Variants in CLSTN2 observed in about 807,000 individuals in gnomAD.
CLSTN2 encodes calsyntenin 2.
In CLSTN2, 48 loss-of-function variants were observed where a neutral mutation model predicts 101.2. That is an observed-to-expected ratio of 0.47 (90% CI 0.38 to 0.60). The LOEUF (loss-of-function observed/expected upper bound fraction) is 0.60. Among genes scored for constraint, CLSTN2 ranks in the 20% least tolerant of loss-of-function variants. The pLI is 0.00. For synonymous variants in CLSTN2, 481 were observed against 463.6 expected (o/e 1.04, Z -0.48); for missense variants, 1,160 against 1,238.2 (o/e 0.94, Z 0.95).
intron 1 of CLSTN2, among the ~76,000 whole-genome samples, chr3:140,134,296 G>A (rs1359678893): frequency 6.6e-6 from 1 of 152,130 alleles, no homozygotes; most frequent in African/African-American, 2.4e-5. Flanking sequence ...TCTGGACATA[G>A]AAGAAATCTT....
intron 2 of CLSTN2, among the ~76,000 whole-genome samples, chr3:140,181,358 GTAT>G (rs2010404848): frequency 6.6e-6 from 1 of 151,798 alleles, no homozygotes; most frequent in Non-Finnish European, 1.5e-5. Flanking sequence ...ATTGAAATTT[GTAT>G]TATTATCAGT....
intron 1 of CLSTN2, among the ~76,000 whole-genome samples, chr3:140,117,205 T>C (rs2009259081): frequency 6.6e-6 from 1 of 152,154 alleles, no homozygotes; most frequent in African/African-American, 2.4e-5. Flanking sequence ...AAGAATGACC[T>C]CTACCCTGCC....
chr3:140,512,544 T>G (rs1471927904), intron 8 of CLSTN2, among the ~76,000 whole-genome samples: 1 of 152,232 alleles, frequency 6.6e-6, no homozygotes, highest in Non-Finnish European at 1.5e-5. Context: ...TGAAGTCAGA[T>G]AGTGTGATGC....
chr3:139,976,694 G>T (rs1935824506), intron 1 of CLSTN2, among the ~76,000 whole-genome samples: 1 of 152,174 alleles, frequency 6.6e-6, no homozygotes, highest in Non-Finnish European at 1.5e-5. Flanking sequence ...TCAGCATACA[G>T]TTGCTACTGT....
At chr3:140,221,071 G>A (rs1231408931) in intron 2 of CLSTN2, among the ~76,000 whole-genome samples, 1 of 152,210 alleles carries the variant, frequency 6.6e-6, no homozygotes, top group Non-Finnish European at 1.5e-5. Flanking sequence ...ATAATATTCT[G>A]GTTATTATTT....
intron 1 of CLSTN2, among the ~76,000 whole-genome samples, chr3:139,953,695 C>T (rs989909212): frequency 1.3e-5 from 2 of 152,174 alleles, no homozygotes; most frequent in East Asian, 1.9e-4. Context: ...GTATTTTACC[C>T]AGTGTCTGGG....
chr3:140,564,156 T>G lies in CLSTN2; in HGVS notation c.2667+11T>G. The G allele has an allele frequency of 5.6e-6, 9 of 1,612,614 alleles. No homozygotes were observed. The highest frequency in any genetic ancestry group is 7.6e-6 in the Non-Finnish European group (9 of 1,178,944). ...GTCAACCCCATGGAGGTGATCCTCA[T>G]GCACGGCTGGGAGTTCTGGGTGGGG... On this transcript the variant is annotated intron_variant, in intron 16 of 16. Coordinates refer to ENST00000458420, the MANE Select transcript of CLSTN2 (RefSeq NM_022131.3).
intron 2 of CLSTN2, among the ~76,000 whole-genome samples, chr3:140,293,026 A>G (rs2086969650): frequency 6.6e-6 from 1 of 152,236 alleles, no homozygotes; most frequent in Admixed American, 6.5e-5. Flanking sequence ...AGACCTCAGA[A>G]CCAGAGTGGC....
intron 2 of CLSTN2, among the ~76,000 whole-genome samples, chr3:140,388,931 T>G (rs1456919971): frequency 6.6e-6 from 1 of 151,790 alleles, no homozygotes; most frequent in East Asian, 1.9e-4. Context: ...ATGTTAACTT[T>G]TGGCAAACTG....
At chr3:140,260,168 ATACTG>A (rs2086639440) in intron 2 of CLSTN2, among the ~76,000 whole-genome samples, 1 of 148,876 alleles carries the variant, frequency 6.7e-6, no homozygotes, top group African/African-American at 2.4e-5. Flanking sequence ...TATATATAAA[ATACTG>A]TACACCATAC....
intron 2 of CLSTN2, among the ~76,000 whole-genome samples, chr3:140,329,763 G>C (rs918848431): frequency 6.6e-6 from 1 of 152,196 alleles, no homozygotes; most frequent in South Asian, 2.1e-4. Flanking sequence ...CAGGCATGGG[G>C]ATCTATGGCC....
chr3:140,166,746 C>T (rs73226956), intron 1 of CLSTN2, among the ~76,000 whole-genome samples: 2,999 of 152,242 alleles, frequency 0.02, 43 homozygotes, highest in Middle Eastern at 0.054. Context: ...GGTGTTTCCT[C>T]TGCATGAGTG....
At chr3:140,232,250 A>G (rs1191351023) in intron 2 of CLSTN2, among the ~76,000 whole-genome samples, 4 of 152,210 alleles carry the variant, frequency 2.6e-5, no homozygotes, top group Non-Finnish European at 5.9e-5. Context: ...CTATATCCCA[A>G]TGAGCTCCAG....
chr3:140,054,124 C>T (rs1425798891), intron 1 of CLSTN2, among the ~76,000 whole-genome samples: 1 of 151,928 alleles, frequency 6.6e-6, no homozygotes, highest in Admixed American at 6.6e-5. Context: ...CTATGGAGCT[C>T]GTGGGAGGGG....
At chr3:140,485,974 C>T (rs1934233459) in intron 8 of CLSTN2, among the ~76,000 whole-genome samples, 1 of 151,960 alleles carries the variant, frequency 6.6e-6, no homozygotes, top group South Asian at 2.1e-4. Flanking sequence ...TCCGACAACC[C>T]CCCAGTGAGA....
chr3:139,938,403 G>T (rs1002944982), intron 1 of CLSTN2, among the ~76,000 whole-genome samples: 1 of 152,146 alleles, frequency 6.6e-6, no homozygotes, highest in African/African-American at 2.4e-5. Context: ...TTAGGGACTC[G>T]AGCAGTTAAT....
chr3:140,099,402 C>T (rs181502404), intron 1 of CLSTN2, among the ~76,000 whole-genome samples: 12 of 152,198 alleles, frequency 7.9e-5, no homozygotes, highest in Admixed American at 7.8e-4. Context: ...TTCACATGGC[C>T]TTCTCTTCTC....
chr3:139,969,221 G>A (rs1935652747), intron 1 of CLSTN2, among the ~76,000 whole-genome samples: 1 of 152,170 alleles, frequency 6.6e-6, no homozygotes, highest in Admixed American at 6.5e-5. Context: ...TGTCAGGGCT[G>A]CTACCAAAAG....
intron 1 of CLSTN2, among the ~76,000 whole-genome samples, chr3:140,115,143 C>A (rs2009219960): frequency 6.6e-6 from 1 of 152,192 alleles, no homozygotes; most frequent in African/African-American, 2.4e-5. Context: ...CCAAGAGTTG[C>A]AAGGCTGAAT....
Sources: gnomAD v4.1 joint callset for allele counts (sites outside exome capture counted in the v4.1 genomes callset) on GRCh38, gnomAD v4.1.1 for gene constraint, MANE v1.5 for transcripts, NCBI Gene and HGNC (gene_info 2026-07-23, HGNC 2026-07-21) for gene names.